The following VPS45 variants were observed in gnomAD, a reference collection of about 807,000 sequenced individuals.
VPS45 encodes vacuolar protein sorting-associated protein 45.
Under a neutral mutation model 75.9 loss-of-function variants are expected in VPS45, and 35 were observed. That is an observed-to-expected ratio of 0.46 (90% CI 0.35 to 0.61). The LOEUF (loss-of-function observed/expected upper bound fraction) is 0.61. Among genes scored for constraint, VPS45 ranks in the 20% least tolerant of loss-of-function variants. The pLI is 0.00. For missense variants in VPS45, 559 were observed against 685.9 expected (o/e 0.81, Z 2.07); for synonymous variants, 220 against 238.2 (o/e 0.92, Z 0.70).
intron 13 of VPS45, among the ~76,000 whole-genome samples, chr1:150,107,304 C>G (rs782287961): frequency 6.6e-6 from 1 of 152,130 alleles, no homozygotes; most frequent in Non-Finnish European, 1.5e-5. Flanking sequence ...GTCTTATGCA[C>G]AGTAAATGTC....
intron 13 of VPS45, among the ~76,000 whole-genome samples, chr1:150,103,533 T>G (rs587640113): frequency 3.9e-5 from 6 of 152,326 alleles, no homozygotes; most frequent in Admixed American, 3.9e-4. Flanking sequence ...GGTTTTGTCC[T>G]TACATGTATA....
chr1:150,076,323 TG>T lies in VPS45; in HGVS notation c.369+13del. 6.3e-7 allele frequency: 1 copy of T among 1,598,162 alleles called. No homozygotes were observed. On this transcript the variant is annotated intron_variant, in intron 4 of 14. Coordinates refer to ENST00000644510, the MANE Select transcript of VPS45 (RefSeq NM_007259.5). ...GTGGCTGAGGTTCAGGTAAACATAT[TG>T]GTCCTGTAACACATCTCGTATGTTG...
At chr1:150,087,403 C>T (rs1656073170) in intron 10 of VPS45, among the ~76,000 whole-genome samples, 1 of 152,142 alleles carries the variant, frequency 6.6e-6, no homozygotes, top group African/African-American at 2.4e-5. Flanking sequence ...CTAATAGTCA[C>T]AAGGCTGATG....
Position 150,144,874 on chromosome 1 carries a change from G to A in VPS45, c.*78G>A, listed in dbSNP as rs1659595822. On this transcript the variant is annotated 3_prime_UTR_variant, in exon 15 of 15. Transcript: ENST00000644510. ...TTCCCTACTAAACAAAGGTGTTGGA[G>A]AGCAGCTTTGGGTTCTGTGCTGGTT... 6.3e-7 allele frequency: 1 copy of A among 1,599,534 alleles called. No individual in the cohort carries two copies. The highest frequency in any genetic ancestry group is 8.5e-7 in the Non-Finnish European group (1 of 1,173,954).
In VPS45 at chr1:150,105,476, A is replaced by G. The variant is rs1047832995; in HGVS notation, c.1494-5020A>G. Among the ~76,000 whole-genome samples, 7 of 152,162 alleles carry G rather than the reference A, an allele frequency of 4.6e-5. No individual in the cohort carries two copies. In the East Asian group the frequency reaches 9.6e-4, roughly 21 times the overall value. On this transcript the variant is annotated intron_variant, in intron 13 of 14. Coordinates refer to ENST00000644510, the MANE Select transcript of VPS45 (RefSeq NM_007259.5). ...TGAGTAACATTTTTAGGCACCAATA[A>G]CATTCAAGCTGAGAATCAAAGTAAG...
intron 7 of VPS45, among the ~76,000 whole-genome samples, chr1:150,079,273 A>T (rs1553798787): frequency 6.6e-6 from 1 of 152,142 alleles, no homozygotes. Context: ...TGTACTTGCC[A>T]TGTTGTAGCT....
rs202146229 is a variant in VPS45 at position 150,110,621 on chromosome 1, C to T, written c.1619C>T (p.Thr540Met). 25 of 1,607,338 alleles carry T rather than the reference C, an allele frequency of 1.6e-5. No homozygotes were observed. In the East Asian group the frequency reaches 4.5e-4, roughly 29 times the overall value. ...CTGGGAGGCACCACAGTGCACAACA[C>T]GAAAAGGTAAAAGAGAACATTCATT... Reference protein sequence around the residue: ...IVLGGTTVHNTKSFLEEVLAS... With the variant: ...IVLGGTTVHNMKSFLEEVLAS... The change falls in exon 14 of 15, where the codon ACG becomes ATG. Residue 540 changes from threonine to methionine, a missense_variant. Physicochemically the swap from Thr to Met is moderately conservative, Grantham distance 81. Coordinates refer to ENST00000644510, the MANE Select transcript of VPS45 (RefSeq NM_007259.5).
At chr1:150,113,416 G>A (rs1553807610) in intron 14 of VPS45, among the ~76,000 whole-genome samples, 2 of 152,144 alleles carry the variant, frequency 1.3e-5, no homozygotes, top group Non-Finnish European at 1.5e-5. Flanking sequence ...ACATTGCAAA[G>A]TGAATATATC....
chr1:150,144,973 A>G lies in VPS45; in HGVS notation c.*177A>G. ...ACAAGACTCCCAGAGTTGTCCTAAC[A>G]ATAAGTCTGAGCCCATCTCAACCCA... On this transcript the variant is annotated 3_prime_UTR_variant, in exon 15 of 15. Transcript: ENST00000644510. The G allele has an allele frequency of 6.6e-7, 1 of 1,515,834 alleles. No individual in the cohort carries two copies. Among genetic ancestry groups the G allele is most frequent in the Non-Finnish European group, 8.8e-7 (1 of 1,130,908 alleles). 93.9% of individuals were successfully genotyped at this position (1,515,834 alleles called of 1,614,324 possible).
chr1:150,110,329 G>A (rs1657575580), intron 13 of VPS45, 167 bp from the exon 14 acceptor site: 1 of 589,468 alleles, frequency 1.7e-6, no homozygotes, highest in Non-Finnish European at 2.8e-6. Flanking sequence ...TCTGTTTCCT[G>A]CCAATTTCAG....
chr1:150,139,971 G>C (rs1331577904), intron 14 of VPS45, among the ~76,000 whole-genome samples: 2 of 152,122 alleles, frequency 1.3e-5, no homozygotes, highest in African/African-American at 4.8e-5. Flanking sequence ...TCAGCTCACT[G>C]TAACCTCCGC....
intron 13 of VPS45, among the ~76,000 whole-genome samples, chr1:150,103,416 G>C (rs1657149800): frequency 6.6e-6 from 1 of 152,146 alleles, no homozygotes; most frequent in South Asian, 2.1e-4. Flanking sequence ...AGTAGTAGGA[G>C]GAGGCTCAGG....
rs140756988 is a variant in VPS45, at chr1:150,093,824, A to T, written c.1493+176A>T. ...GATATGAATTCCCCTGCTAAGTCTG[A>T]AACATTTATTTCTTTTGTACTAAAG... On this transcript the variant is annotated intron_variant, in intron 13 of 14. Transcript: ENST00000644510. Among the ~76,000 whole-genome samples, 442 of 152,320 alleles carry T rather than the reference A, an allele frequency of 2.9e-3. 2 individuals are homozygous for T. Among genetic ancestry groups the T allele is most frequent in the South Asian group, 9.5e-3 (46 of 4,828 alleles).
intron 13 of VPS45, among the ~76,000 whole-genome samples, chr1:150,106,775 A>G (rs1424343700): frequency 6.6e-6 from 1 of 152,138 alleles, no homozygotes; most frequent in Non-Finnish European, 1.5e-5. Context: ...CCTGTAAGTT[A>G]TGTCCTTCCC....
intron 14 of VPS45, among the ~76,000 whole-genome samples, chr1:150,111,518 C>T (rs1214419973): frequency 2.0e-5 from 3 of 151,966 alleles, no homozygotes; most frequent in Non-Finnish European, 4.4e-5. Context: ...AAGAAACTCA[C>T]GGTGTTTTAG....
chr1:150,091,823 T>C (rs368376968), intron 10 of VPS45, 114 bp from the exon 11 acceptor site: 7 of 928,112 alleles, frequency 7.5e-6, no homozygotes, highest in Non-Finnish European at 9.4e-6. Context: ...GTATGACTTA[T>C]AATTGTCATA....
intron 7 of VPS45, among the ~76,000 whole-genome samples, chr1:150,080,706 G>A (rs189254849): frequency 4.4e-4 from 67 of 152,188 alleles, no homozygotes; most frequent in Non-Finnish European, 7.9e-4. Context: ...TGGTGAAAAG[G>A]GAAAATTTGG....
chr1:150,144,828 C>T lies in VPS45; in HGVS notation c.*32C>T. 6.2e-7 allele frequency: 1 copy of T among 1,613,760 alleles called. No individual in the cohort carries two copies. Among genetic ancestry groups the T allele is most frequent in the Non-Finnish European group, 8.5e-7 (1 of 1,179,966 alleles). On this transcript the variant is annotated 3_prime_UTR_variant, in exon 15 of 15. Coordinates refer to ENST00000644510, the MANE Select transcript of VPS45 (RefSeq NM_007259.5). ...GGTTGGGGGAAGGGCACAGCTTCCT[C>T]TCTTGTCCCCACTACAGGTTTTCCC...
intron 14 of VPS45, among the ~76,000 whole-genome samples, chr1:150,126,415 A>G (rs1194975115): frequency 1.3e-5 from 2 of 152,048 alleles, no homozygotes; most frequent in Non-Finnish European, 2.9e-5. Flanking sequence ...GGGTTTCACC[A>G]TGTTAGCCAG....
Sources: gnomAD v4.1 joint callset for allele counts (sites outside exome capture counted in the v4.1 genomes callset) on GRCh38, gnomAD v4.1.1 for gene constraint, MANE v1.5 for transcripts, NCBI Gene and HGNC (gene_info 2026-07-23, HGNC 2026-07-21) for gene names.